C12orf42: variants seen among roughly 807,000 people sequenced by gnomAD.
C12orf42 encodes uncharacterized protein C12orf42.
A neutral mutation model predicts 21.6 loss-of-function variants in C12orf42; 25 were observed. That is an observed-to-expected ratio of 1.16 (90% CI 0.84 to 1.62). The LOEUF is 1.62. C12orf42 is among the 40% of genes most tolerant of loss of function. The pLI is 0.00. For synonymous variants in C12orf42, 174 were observed against 175.0 expected, an observed-to-expected ratio of 0.99 and a Z score of 0.05; for missense variants, 483 against 459.3, an observed-to-expected ratio of 1.05 and a Z score of -0.47.
intron 4 of C12orf42, among the ~76,000 whole-genome samples, chr12:103,290,666 A>T (rs1249699661): frequency 6.6e-6 from 1 of 152,206 alleles, no homozygotes. Context: ...CAGTTTGGGG[A>T]TGGTCTTTGC....
the C12orf42 span, among the ~76,000 whole-genome samples, chr12:103,162,233 A>C: frequency 6.6e-6 from 1 of 152,192 alleles, no homozygotes; most frequent in Non-Finnish European, 1.5e-5. Context: ...TTTTTGGTAC[A>C]TCAGGAGTGA....
At chr12:103,086,149 G>A in the C12orf42 span, among the ~76,000 whole-genome samples, 11 of 151,946 alleles carry the variant, frequency 7.2e-5, no homozygotes, top group Admixed American at 1.3e-4. Flanking sequence ...TAATTGGAGC[G>A]TTTTTAAGCA....
chr12:103,504,345 G>T, the C12orf42 span: 1 of 162,890 alleles, frequency 6.1e-6, no homozygotes, highest in South Asian at 1.6e-4. Context: ...TCCTGTCGGA[G>T]AAGGGTATGT....
chr12:103,370,378 T>C (rs1251926828), intron 3 of C12orf42, among the ~76,000 whole-genome samples: 1 of 152,112 alleles, frequency 6.6e-6, no homozygotes, highest in Non-Finnish European at 1.5e-5. Context: ...TTATTAGATA[T>C]ATATACCCCC....
At chr12:103,545,887 T>C in the C12orf42 span, among the ~76,000 whole-genome samples, 1 of 152,234 alleles carries the variant, frequency 6.6e-6, no homozygotes. Context: ...GCCTTCAGTC[T>C]TAATCCCAAA....
At chr12:103,099,105 G>A in the C12orf42 span, among the ~76,000 whole-genome samples, 9 of 152,174 alleles carry the variant, frequency 5.9e-5, no homozygotes, top group Non-Finnish European at 1.3e-4. Context: ...TATTTGATCT[G>A]GAAGTAATTT....
intron 2 of C12orf42, among the ~76,000 whole-genome samples, chr12:103,432,373 G>A (rs940890660): frequency 1.3e-5 from 2 of 152,172 alleles, no homozygotes; most frequent in African/African-American, 4.8e-5. Flanking sequence ...ACAACCACCT[G>A]ACCATCAACT....
rs546643858 is a variant in C12orf42 at position 103,418,043 on chromosome 12, C to T, written c.79-16368G>A. Reference sequence around the variant, plus strand: ...AAGATAACTTTGCTATTCTACCCTACGGCCAAGAGCTATTTAGAATAACTT... The same window carrying T: ...AAGATAACTTTGCTATTCTACCCTATGGCCAAGAGCTATTTAGAATAACTT... On this transcript the variant is annotated intron_variant, in intron 2 of 5. Coordinates refer to ENST00000548883, the MANE Select transcript of C12orf42 (RefSeq NM_198521.5). Among the ~76,000 whole-genome samples, 141 of 152,306 alleles carry T rather than the reference C, an allele frequency of 9.3e-4. No individual in the cohort carries two copies. The Middle Eastern group carries it at 0.014, about 15-fold the overall frequency.
At chr12:103,555,610 C>A in the C12orf42 span, among the ~76,000 whole-genome samples, 1 of 152,134 alleles carries the variant, frequency 6.6e-6, no homozygotes, top group African/African-American at 2.4e-5. Flanking sequence ...AGCAGACTAG[C>A]AGCATGGGCA....
chr12:103,194,374 T>G, the C12orf42 span, among the ~76,000 whole-genome samples: 1 of 151,996 alleles, frequency 6.6e-6, no homozygotes, highest in Admixed American at 6.6e-5. Context: ...AAGGAAAAAG[T>G]AAAATTACCT....
chr12:103,197,850 T>C, the C12orf42 span, among the ~76,000 whole-genome samples: 1 of 152,218 alleles, frequency 6.6e-6, no homozygotes, highest in African/African-American at 2.4e-5. Context: ...TCAGCACTCC[T>C]GGGCTGCATG....
the C12orf42 span, among the ~76,000 whole-genome samples, chr12:103,551,759 G>A: frequency 1.3e-5 from 2 of 152,180 alleles, no homozygotes; most frequent in Non-Finnish European, 2.9e-5. Flanking sequence ...GAAGGTTGCA[G>A]TGAGCCAAGA....
At chr12:103,384,015 C>T (rs753264572) in intron 3 of C12orf42, among the ~76,000 whole-genome samples, 5 of 152,142 alleles carry the variant, frequency 3.3e-5, no homozygotes, top group Non-Finnish European at 5.9e-5. Flanking sequence ...GCAGTGGTTA[C>T]AGGGATGCAG....
chr12:103,173,120 T>A, the C12orf42 span, among the ~76,000 whole-genome samples: 1 of 152,150 alleles, frequency 6.6e-6, no homozygotes, highest in Admixed American at 6.6e-5. Context: ...AAGAGTTCAG[T>A]GATTTGTTTA....
chr12:103,275,143 G>A (rs2035692757), intron 5 of C12orf42, among the ~76,000 whole-genome samples: 1 of 151,948 alleles, frequency 6.6e-6, no homozygotes, highest in South Asian at 2.1e-4. Context: ...AACAACCTGA[G>A]GTTGATAACT....
the C12orf42 span, among the ~76,000 whole-genome samples, chr12:103,125,851 C>G: frequency 6.6e-6 from 1 of 152,194 alleles, no homozygotes; most frequent in African/African-American, 2.4e-5. Context: ...AACAGAAACA[C>G]TAAGATGTTT....
At chr12:103,244,159 C>T (rs1309588871) in intron 10 of C12orf42, among the ~76,000 whole-genome samples, 1 of 152,094 alleles carries the variant, frequency 6.6e-6, no homozygotes, top group Admixed American at 6.6e-5. Flanking sequence ...AAACATTCAG[C>T]CACCTGGATC....
At chr12:103,445,471 G>C (rs1951521686) in intron 2 of C12orf42, among the ~76,000 whole-genome samples, 1 of 151,932 alleles carries the variant, frequency 6.6e-6, no homozygotes, top group African/African-American at 2.4e-5. Flanking sequence ...TGGTGTGCCT[G>C]CTGCTATCTC....
At chr12:103,150,851 A>G in the C12orf42 span, among the ~76,000 whole-genome samples, 1 of 152,212 alleles carries the variant, frequency 6.6e-6, no homozygotes, top group African/African-American at 2.4e-5. Context: ...ATTTTTCATC[A>G]TCACCATTTT....
Sources: allele counts gnomAD v4.1 joint callset (sites outside exome capture counted in the v4.1 genomes callset), GRCh38; gene constraint gnomAD v4.1.1; transcripts MANE v1.5; gene names NCBI Gene and HGNC (gene_info 2026-07-23, HGNC 2026-07-21).